KCNIP1: variants seen among roughly 807,000 people sequenced by gnomAD.
The protein encoded by KCNIP1 is A-type potassium channel modulatory protein KCNIP1.
A neutral mutation model predicts 33.0 loss-of-function variants in KCNIP1; 18 were observed. The observed-to-expected ratio is 0.55, with a 90% CI of 0.38 to 0.81. The LOEUF is 0.81. Among genes scored for constraint, KCNIP1 ranks in the 30% least tolerant of loss-of-function variants. The probability of loss-of-function intolerance (pLI) is 0.00; values close to 1 mark genes in which losing one functional copy is unlikely to be tolerated. For missense variants in KCNIP1, 238 were observed against 271.6 expected, an observed-to-expected ratio of 0.88 and a Z score of 0.87; for synonymous variants, 93 against 98.3, an observed-to-expected ratio of 0.95 and a Z score of 0.32.
intron 1 of KCNIP1, among the ~76,000 whole-genome samples, chr5:170,391,973 C>T (rs1754607116): frequency 6.6e-6 from 1 of 152,208 alleles, no homozygotes; most frequent in African/African-American, 2.4e-5. Flanking sequence ...GATGTCTCTT[C>T]CCCTTCACCC....
At chr5:170,606,762 G>A (rs1758937381) in intron 1 of KCNIP1, among the ~76,000 whole-genome samples, 2 of 152,186 alleles carry the variant, frequency 1.3e-5, no homozygotes, top group South Asian at 4.1e-4. Flanking sequence ...CACGCTCACA[G>A]CCGTCCCTGC....
At chr5:170,385,961 A>C (rs1400868871) in intron 1 of KCNIP1, among the ~76,000 whole-genome samples, 1 of 151,778 alleles carries the variant, frequency 6.6e-6, no homozygotes, top group Non-Finnish European at 1.5e-5. Context: ...CTACTAAAAA[A>C]AAAAAATACA....
At chr5:170,361,198 G>T (rs1423705380) in intron 1 of KCNIP1, among the ~76,000 whole-genome samples, 1 of 152,246 alleles carries the variant, frequency 6.6e-6, no homozygotes, top group Admixed American at 6.5e-5. Flanking sequence ...ACCCAGAAGT[G>T]CAGGAGGAGG....
chr5:170,499,948 T>C (rs530265516), upstream of KCNIP1, among the ~76,000 whole-genome samples: 1 of 152,268 alleles, frequency 6.6e-6, no homozygotes, highest in African/African-American at 2.4e-5. Flanking sequence ...AGCTCATGGA[T>C]TGACACTGGG....
At chr5:170,471,702 C>T (rs762000981) in intron 1 of KCNIP1, among the ~76,000 whole-genome samples, 28 of 152,126 alleles carry the variant, frequency 1.8e-4, no homozygotes, top group Non-Finnish European at 2.6e-4. Flanking sequence ...GCTCCTGAGC[C>T]TCCCCCTGCC....
intron 1 of KCNIP1, among the ~76,000 whole-genome samples, chr5:170,623,737 C>T (rs1020888652): frequency 2.6e-5 from 4 of 152,172 alleles, no homozygotes; most frequent in African/African-American, 7.2e-5. Flanking sequence ...AATGGCGTGA[C>T]GGCGCTGCCC....
At chr5:170,618,572 A>C in intron 1 of KCNIP1, among the ~76,000 whole-genome samples, 1 of 143,224 alleles carries the variant, frequency 7.0e-6, no homozygotes, top group African/African-American at 2.6e-5. Context: ...GGAGGGAGGG[A>C]GCTAACTGAC....
chr5:170,578,609 G>C (rs1187122346), intron 1 of KCNIP1, among the ~76,000 whole-genome samples: 1 of 152,258 alleles, frequency 6.6e-6, no homozygotes, highest in East Asian at 1.9e-4. Context: ...TGTGGCATTG[G>C]GAAAAGTGGT....
chr5:170,560,072 GCTTC>G (rs1756981426), intron 1 of KCNIP1, among the ~76,000 whole-genome samples: 1 of 152,176 alleles, frequency 6.6e-6, no homozygotes, highest in South Asian at 2.1e-4. Flanking sequence ...CAATGTAGAT[GCTTC>G]CTAAACCTTC....
At chr5:170,655,061 T>G (rs567932164) in intron 1 of KCNIP1, among the ~76,000 whole-genome samples, 1 of 152,300 alleles carries the variant, frequency 6.6e-6, no homozygotes, top group East Asian at 1.9e-4. Context: ...AAATAATGAC[T>G]TAAGTGGCTC....
intron 1 of KCNIP1, among the ~76,000 whole-genome samples, chr5:170,576,714 A>T (rs1047391746): frequency 2.6e-5 from 4 of 152,210 alleles, no homozygotes; most frequent in Admixed American, 2.0e-4. Flanking sequence ...AATACATTTT[A>T]AAAATTAACC....
chr5:170,510,280 C>CT (rs1170946742), intron 1 of KCNIP1, among the ~76,000 whole-genome samples: 1 of 152,230 alleles, frequency 6.6e-6, no homozygotes, highest in Non-Finnish European at 1.5e-5. Flanking sequence ...ATTTATCTCT[C>CT]TGACTAGCTT....
At chr5:170,582,512 T>A (rs949199542) in intron 1 of KCNIP1, among the ~76,000 whole-genome samples, 1 of 152,206 alleles carries the variant, frequency 6.6e-6, no homozygotes, top group Non-Finnish European at 1.5e-5. Context: ...TTAGAACCTT[T>A]CCAGGCATTT....
intron 1 of KCNIP1, among the ~76,000 whole-genome samples, chr5:170,381,242 T>C (rs1472969117): frequency 6.6e-6 from 1 of 152,204 alleles, no homozygotes; most frequent in Non-Finnish European, 1.5e-5. Context: ...CTTTCTCTCC[T>C]GTCCTGGGTC....
chr5:170,596,960 A>G (rs1758460963), intron 1 of KCNIP1, among the ~76,000 whole-genome samples: 1 of 152,240 alleles, frequency 6.6e-6, no homozygotes, highest in South Asian at 2.1e-4. Context: ...TTGAATAGGT[A>G]TTAACTCCCT....
chr5:170,399,816 C>T (rs1354727603), intron 1 of KCNIP1, among the ~76,000 whole-genome samples: 1 of 152,138 alleles, frequency 6.6e-6, no homozygotes, highest in Non-Finnish European at 1.5e-5. Context: ...AAGCTATTTT[C>T]CAGGTTTTGC....
chr5:170,426,274 A>AAACAC (rs1755612970), intron 1 of KCNIP1, among the ~76,000 whole-genome samples: 2 of 56,712 alleles, frequency 3.5e-5, no homozygotes, highest in African/African-American at 1.8e-4. Context: ...CACACACACA[A>AAACAC]ACACACACAC....
At chr5:170,573,508 G>A (rs948978149) in intron 1 of KCNIP1, among the ~76,000 whole-genome samples, 1 of 151,988 alleles carries the variant, frequency 6.6e-6, no homozygotes, top group African/African-American at 2.4e-5. Context: ...ACTATTTTAG[G>A]TTGTCTGTTT....
intron 1 of KCNIP1, among the ~76,000 whole-genome samples, chr5:170,371,081 C>T (rs1763830634): frequency 6.6e-6 from 1 of 152,116 alleles, no homozygotes; most frequent in South Asian, 2.1e-4. Context: ...GGTGCATTTG[C>T]TGAGAAGGAG....
Sources: gnomAD v4.1 joint callset for allele counts (sites outside exome capture counted in the v4.1 genomes callset) on GRCh38, gnomAD v4.1.1 for gene constraint, MANE v1.5 for transcripts, NCBI Gene and HGNC (gene_info 2026-07-23, HGNC 2026-07-21) for gene names.